Variants in GPC6 observed in about 807,000 individuals in gnomAD.
GPC6 encodes glypican-6.
In GPC6, 14 loss-of-function variants were observed where a neutral mutation model predicts 55.2. The ratio of observed to expected loss-of-function variants is 0.25; its 90% confidence interval spans 0.17 to 0.40. The LOEUF is 0.40. GPC6 is among the 10% of genes least tolerant of loss of function. GPC6 has a pLI of 1.00. For missense variants in GPC6, 641 were observed against 708.5 expected (o/e 0.90, Z 1.08); for synonymous variants, 278 against 259.6 (o/e 1.07, Z -0.68).
chr13:93,237,828 T>C (rs542970254), intron 1 of GPC6, among the ~76,000 whole-genome samples: 2 of 152,306 alleles, frequency 1.3e-5, no homozygotes, highest in South Asian at 4.1e-4. Flanking sequence ...AGGGTGTACT[T>C]TCCCCAGTGT....
At chr13:94,157,301 T>TAG (rs986327206) in intron 4 of GPC6, among the ~76,000 whole-genome samples, 2 of 152,064 alleles carry the variant, frequency 1.3e-5, no homozygotes, top group African/African-American at 2.4e-5. Flanking sequence ...ATTTATTTTC[T>TAG]AGAGAGAGAG....
intron 4 of GPC6, among the ~76,000 whole-genome samples, chr13:94,222,082 T>C (rs1020349923): frequency 6.6e-6 from 1 of 152,038 alleles, no homozygotes; most frequent in African/African-American, 2.4e-5. Context: ...ATCCAGGTTT[T>C]TGTCACAAAC....
chr13:93,862,947 T>C (rs970869637), intron 3 of GPC6, among the ~76,000 whole-genome samples: 2 of 151,672 alleles, frequency 1.3e-5, no homozygotes, highest in African/African-American at 4.8e-5. Flanking sequence ...GTATTCTCAC[T>C]CATAACACTG....
At position 94,181,719 on chromosome 13, in the gene GPC6, G is replaced by A. The variant is rs112821191; in HGVS notation, c.878-104630G>A. On this transcript the variant is annotated intron_variant, in intron 4 of 8. Transcript: ENST00000377047. The stretch of plus-strand genomic sequence containing the variant: ...TTTAATTTCAGAGTCATTAATAAAT[G>A]TGTTAGTTATTATACAACTTAGGGT... Among the ~76,000 whole-genome samples, 1,249 of 152,246 alleles carry A rather than the reference G, an allele frequency of 8.2e-3. 12 individuals are homozygous for A. The highest frequency in any genetic ancestry group is 0.012 in the Non-Finnish European group (783 of 68,006).
At chr13:94,134,821 T>C (rs566822529) in intron 4 of GPC6, among the ~76,000 whole-genome samples, 41 of 152,298 alleles carry the variant, frequency 2.7e-4, no homozygotes, top group African/African-American at 9.9e-4. Context: ...TCACTAGATT[T>C]CCTATAAAAG....
At chr13:94,020,070 G>GC (rs1381969451) in intron 3 of GPC6, among the ~76,000 whole-genome samples, 5 of 151,658 alleles carry the variant, frequency 3.3e-5, no homozygotes, top group African/African-American at 1.2e-4. Flanking sequence ...TTTGGGCTTA[G>GC]TTTTTTCCTT....
At chr13:93,247,411 T>G (rs1422160273) in intron 1 of GPC6, among the ~76,000 whole-genome samples, 1 of 152,204 alleles carries the variant, frequency 6.6e-6, no homozygotes, top group Non-Finnish European at 1.5e-5. Context: ...TATTAGCTTC[T>G]CCTCCAACTA....
At chr13:93,876,676 A>G (rs894043687) in intron 3 of GPC6, among the ~76,000 whole-genome samples, 11 of 152,082 alleles carry the variant, frequency 7.2e-5, no homozygotes, top group African/African-American at 1.7e-4. Context: ...AGTCCAACCC[A>G]TTTATTTCCT....
chr13:94,025,063 A>G (rs1489506907), intron 3 of GPC6, among the ~76,000 whole-genome samples: 2 of 152,234 alleles, frequency 1.3e-5, no homozygotes, highest in Admixed American at 6.5e-5. Flanking sequence ...AGAGATCTCA[A>G]ATTTATATCC....
intron 4 of GPC6, among the ~76,000 whole-genome samples, chr13:94,030,381 G>A (rs370504749): frequency 6.6e-6 from 1 of 151,994 alleles, no homozygotes; most frequent in Non-Finnish European, 1.5e-5. Context: ...TTTGGGTTCT[G>A]CTGTGGCATT....
chr13:93,737,601 C>T (rs1357833391), intron 2 of GPC6, among the ~76,000 whole-genome samples: 3 of 151,948 alleles, frequency 2.0e-5, no homozygotes, highest in Non-Finnish European at 4.4e-5. Flanking sequence ...TTGAGAGACT[C>T]GGGAAAGCTT....
intron 4 of GPC6, among the ~76,000 whole-genome samples, chr13:94,172,078 C>G (rs1888587662): frequency 1.3e-5 from 2 of 152,108 alleles, no homozygotes; most frequent in South Asian, 2.1e-4. Flanking sequence ...ATTGCACACA[C>G]AGAGTCCTAG....
intron 2 of GPC6, among the ~76,000 whole-genome samples, chr13:93,745,670 C>G (rs1181057917): frequency 1.3e-5 from 2 of 152,210 alleles, no homozygotes; most frequent in Admixed American, 1.3e-4. Flanking sequence ...GAAGCCACAG[C>G]TCCCAGTTAC....
At chr13:94,020,293 G>A (rs1199264372) in intron 3 of GPC6, among the ~76,000 whole-genome samples, 1 of 152,064 alleles carries the variant, frequency 6.6e-6, no homozygotes, top group Non-Finnish European at 1.5e-5. Flanking sequence ...GAACTTTTCA[G>A]TTTTCCCTCT....
At chr13:93,311,031 G>T (rs781738424) in intron 1 of GPC6, among the ~76,000 whole-genome samples, 108 of 152,156 alleles carry the variant, frequency 7.1e-4, no homozygotes, top group South Asian at 8.3e-4. Context: ...ATATAAAAAT[G>T]AAGAGTTGGG....
At chr13:93,245,497 CT>C (rs1193027849) in intron 1 of GPC6, among the ~76,000 whole-genome samples, 1 of 152,160 alleles carries the variant, frequency 6.6e-6, no homozygotes, top group Non-Finnish European at 1.5e-5. Context: ...ACACAAATGG[CT>C]GGGCTCCACC....
At chr13:94,028,196 T>C (rs1210571031) in intron 4 of GPC6, among the ~76,000 whole-genome samples, 1 of 152,002 alleles carries the variant, frequency 6.6e-6, no homozygotes, top group African/African-American at 2.4e-5. Context: ...GCTTCGGAGG[T>C]TGAGGCTACA....
chr13:93,797,694 G>T (rs1886242189), intron 2 of GPC6, among the ~76,000 whole-genome samples: 1 of 152,154 alleles, frequency 6.6e-6, no homozygotes, highest in South Asian at 2.1e-4. Flanking sequence ...AATGGCCTAA[G>T]AGAGAAAGTA....
chr13:93,523,456 C>A (rs1242923571), intron 1 of GPC6, among the ~76,000 whole-genome samples: 1 of 32,344 alleles, frequency 3.1e-5, no homozygotes, highest in Non-Finnish European at 8.1e-5. Context: ...CACACACATA[C>A]ACACATATGA....
Sources: gnomAD v4.1 joint callset for allele counts (sites outside exome capture counted in the v4.1 genomes callset) on GRCh38, gnomAD v4.1.1 for gene constraint, MANE v1.5 for transcripts, NCBI Gene and HGNC (gene_info 2026-07-23, HGNC 2026-07-21) for gene names.